Variants in EFHC2 observed in about 807,000 individuals in gnomAD.
The protein encoded by EFHC2 is EF-hand domain-containing family member C2.
A neutral mutation model predicts 52.7 loss-of-function variants in EFHC2; 18 were observed. That is an observed-to-expected ratio of 0.34 (90% CI 0.24 to 0.51). The LOEUF (loss-of-function observed/expected upper bound fraction) is 0.51. Among genes scored for constraint, EFHC2 ranks in the 20% least tolerant of loss-of-function variants. EFHC2 has a pLI of 0.97. For missense variants in EFHC2, 513 were observed against 562.5 expected, an observed-to-expected ratio of 0.91 and a Z score of 0.89; for synonymous variants, 203 against 204.1, an observed-to-expected ratio of 0.99 and a Z score of 0.04.
intron 1 of EFHC2, among the ~76,000 whole-genome samples, chrX:44,334,990 G>GA (rs397807827): frequency 3.6e-5 from 4 of 110,432 alleles, no homozygotes; most frequent in African/African-American, 1.3e-4. Flanking sequence ...AAAGGGGATG[G>GA]TTGAATAAAC....
intron 7 of EFHC2, among the ~76,000 whole-genome samples, chrX:44,243,505 T>TTTTGC (rs1424402070): frequency 1.5e-4 from 17 of 111,586 alleles, no homozygotes; most frequent in Admixed American, 2.9e-4. Context: ...TTGGTTTTTG[T>TTTTGC]TTTGTTTTGT....
At chrX:44,269,513 G>C (rs1015130477) in intron 3 of EFHC2, among the ~76,000 whole-genome samples, 1 of 111,149 alleles carries the variant, frequency 9.0e-6, no homozygotes, top group African/African-American at 3.3e-5. Flanking sequence ...TGTTGTCTTC[G>C]CAGTAATGTG....
chrX:44,173,476 G>A (rs1253837371), intron 13 of EFHC2, among the ~76,000 whole-genome samples: 4 of 111,763 alleles, frequency 3.6e-5, no homozygotes, highest in Non-Finnish European at 7.5e-5. Flanking sequence ...TAGGAATTAG[G>A]GCAGTCTTTG....
At chrX:44,313,944 A>G (rs2037967249) in intron 1 of EFHC2, among the ~76,000 whole-genome samples, 1 of 111,533 alleles carries the variant, frequency 9.0e-6, no homozygotes, top group South Asian at 3.7e-4. Context: ...AACAAGAGCA[A>G]AACTCTATCT....
At chrX:44,343,430 A>C in intron 1 of EFHC2, 117 bp downstream of exon 1, 1 of 964,969 alleles carries the variant, frequency 1.0e-6, no homozygotes, top group South Asian at 2.1e-5. Context: ...GTTGCCACCA[A>C]CCCAGGGCAG....
chrX:44,185,622 G>A (rs749081850), intron 11 of EFHC2, among the ~76,000 whole-genome samples: 65 of 109,863 alleles, frequency 5.9e-4, no homozygotes, highest in Non-Finnish European at 1.0e-3. Flanking sequence ...CTGCAACCAC[G>A]AACTCCTGAG....
intron 1 of EFHC2, among the ~76,000 whole-genome samples, chrX:44,316,137 T>TA (rs1383911414): frequency 8.9e-6 from 1 of 111,886 alleles, no homozygotes; most frequent in African/African-American, 3.3e-5. Flanking sequence ...CTCACTCAGC[T>TA]ACCTGTCCCC....
intron 2 of EFHC2, among the ~76,000 whole-genome samples, chrX:44,280,293 A>C (rs2147358395): frequency 9.0e-6 from 1 of 111,730 alleles, no homozygotes; most frequent in African/African-American, 3.2e-5. Context: ...ACAGATGCCA[A>C]CATGTTTCCC....
intron 14 of EFHC2, among the ~76,000 whole-genome samples, chrX:44,150,107 A>C (rs2036558707): frequency 8.9e-6 from 1 of 112,466 alleles, no homozygotes; most frequent in Non-Finnish European, 1.9e-5. Context: ...TTTCAAGGTT[A>C]AAATATGACT....
At chrX:44,186,509 T>A (rs1423548514) in intron 11 of EFHC2, among the ~76,000 whole-genome samples, 5 of 111,727 alleles carry the variant, frequency 4.5e-5, no homozygotes, top group African/African-American at 1.6e-4. Flanking sequence ...CCACTTTATG[T>A]TCAGGGATTA....
intron 11 of EFHC2, among the ~76,000 whole-genome samples, chrX:44,207,352 A>T (rs1338253856): frequency 1.8e-5 from 2 of 111,409 alleles, no homozygotes; most frequent in Non-Finnish European, 3.8e-5. Flanking sequence ...TCTCCACAAA[A>T]ATAGAAAAGT....
intron 11 of EFHC2, among the ~76,000 whole-genome samples, chrX:44,186,670 C>T (rs960209457): frequency 1.5e-4 from 17 of 111,695 alleles, no homozygotes; most frequent in African/African-American, 5.2e-4. Flanking sequence ...AATAAACCCA[C>T]AGGTACTTAT....
chrX:44,188,360 T>C (rs2036893975), intron 11 of EFHC2, among the ~76,000 whole-genome samples: 1 of 111,967 alleles, frequency 8.9e-6, no homozygotes, highest in African/African-American at 3.2e-5. Context: ...CTAATAAACT[T>C]CAACATCTCT....
chrX:44,340,901 A>G (rs1478741777), intron 1 of EFHC2, among the ~76,000 whole-genome samples: 5 of 112,300 alleles, frequency 4.5e-5, no homozygotes, highest in Non-Finnish European at 7.5e-5. Flanking sequence ...AGCATCTACT[A>G]CAGCTGAACA....
At chrX:44,170,433 G>C (rs2036736063) in intron 13 of EFHC2, among the ~76,000 whole-genome samples, 1 of 110,959 alleles carries the variant, frequency 9.0e-6, no homozygotes, top group African/African-American at 3.3e-5. Flanking sequence ...TAGGTCAGAG[G>C]AGGAGGAGGA....
intron 11 of EFHC2, among the ~76,000 whole-genome samples, chrX:44,185,542 CTTTT>C (rs369280345): frequency 3.8e-5 from 4 of 104,125 alleles, no homozygotes; most frequent in African/African-American, 1.4e-4. Context: ...AATAATAAGT[CTTTT>C]TTTTTTTAAG....
intron 10 of EFHC2, among the ~76,000 whole-genome samples, chrX:44,231,731 G>A (rs1602166021): frequency 1.8e-5 from 2 of 111,554 alleles, no homozygotes; most frequent in Middle Eastern, 9.2e-3. Context: ...GTATATAAAT[G>A]GCACATAAAT....
At chrX:44,186,507 T>C (rs764251001) in intron 11 of EFHC2, among the ~76,000 whole-genome samples, 34 of 111,754 alleles carry the variant, frequency 3.0e-4, no homozygotes, top group Non-Finnish European at 5.8e-4. Flanking sequence ...ACCCACTTTA[T>C]GTTCAGGGAT....
intron 12 of EFHC2, among the ~76,000 whole-genome samples, chrX:44,177,313 A>G (rs1239315988): frequency 5.3e-5 from 6 of 112,352 alleles, no homozygotes; most frequent in Non-Finnish European, 1.1e-4. Flanking sequence ...ATTAATAAAA[A>G]AAATGATTAT....
Sources: gnomAD v4.1 joint callset for allele counts (sites outside exome capture counted in the v4.1 genomes callset) on GRCh38, gnomAD v4.1.1 for gene constraint, MANE v1.5 for transcripts, NCBI Gene and HGNC (gene_info 2026-07-23, HGNC 2026-07-21) for gene names.